Variants in GBE1 observed in about 807,000 individuals in gnomAD.
GBE1 encodes 1,4-alpha-glucan-branching enzyme.
A neutral mutation model predicts 88.8 loss-of-function variants in GBE1; 70 were observed. The ratio of observed to expected loss-of-function variants is 0.79; its 90% CI spans 0.65 to 0.96. The LOEUF is 0.96. Among genes scored for constraint, GBE1 ranks in the 40% least tolerant of loss-of-function variants. The probability of loss-of-function intolerance (pLI) is 0.00; values close to 1 mark genes in which losing one functional copy is unlikely to be tolerated. For synonymous variants in GBE1, 284 were observed against 300.1 expected (o/e 0.95, Z 0.56); for missense variants, 872 against 871.0 (o/e 1.00, Z -0.01).
chr3:81,730,163 T>G (rs1296259643), intron 1 of GBE1, among the ~76,000 whole-genome samples: 1 of 152,124 alleles, frequency 6.6e-6, no homozygotes, highest in Non-Finnish European at 1.5e-5. Context: ...ACTCAAGTAA[T>G]TCACTGGTAT....
At chr3:81,654,551 A>G (rs1704902896) in intron 3 of GBE1, 1 of 152,218 alleles carries the variant, frequency 6.6e-6, no homozygotes, top group African/African-American at 2.4e-5. Flanking sequence ...AAAGTGTAGC[A>G]GGCTAACAGA....
At chr3:81,598,783 T>C (rs1703992571) in intron 7 of GBE1, among the ~76,000 whole-genome samples, 1 of 151,624 alleles carries the variant, frequency 6.6e-6, no homozygotes, top group Admixed American at 6.6e-5. Context: ...ACAAAACTAG[T>C]GAGATAAATT....
chr3:81,621,742 C>T (rs1028267260), intron 7 of GBE1, among the ~76,000 whole-genome samples: 1 of 152,176 alleles, frequency 6.6e-6, no homozygotes, highest in Non-Finnish European at 1.5e-5. Flanking sequence ...CCTAAGGAAT[C>T]CTATCACATT....
At chr3:81,633,200 C>T (rs1704541988) in intron 7 of GBE1, among the ~76,000 whole-genome samples, 1 of 152,032 alleles carries the variant, frequency 6.6e-6, no homozygotes, top group Admixed American at 6.6e-5. Context: ...TAAGTCTGAC[C>T]ACAGATAATC....
chr3:81,591,232 T>C, intron 8 of GBE1, 68 bp from the exon 9 acceptor site: 2 of 1,198,204 alleles, frequency 1.7e-6, no homozygotes, highest in Non-Finnish European at 2.3e-6. Context: ...CACAAATACA[T>C]TCACCAATTA....
chr3:81,689,801 T>C (rs781633745), intron 2 of GBE1, among the ~76,000 whole-genome samples: 2 of 152,126 alleles, frequency 1.3e-5, no homozygotes, highest in African/African-American at 2.4e-5. Context: ...TGTGGCATGT[T>C]TGGCTGGGAA....
chr3:81,709,046 C>G (rs1705815424), intron 1 of GBE1, among the ~76,000 whole-genome samples: 1 of 152,170 alleles, frequency 6.6e-6, no homozygotes, highest in Admixed American at 6.6e-5. Context: ...CAGAAAGAAA[C>G]TGTTGAGATG....
Position 81,676,822 on chromosome 3 carries a change from T to C in GBE1, c.314-5869A>G, listed in dbSNP as rs111544281. The stretch of plus-strand genomic sequence containing the variant: ...CTGATAAGGCATAAGATTCTATTTG[T>C]CCACAGACTCAAAACAAGCTGACAA... On this transcript the variant is annotated intron_variant, in intron 2 of 15. Coordinates refer to ENST00000429644, the MANE Select transcript of GBE1 (RefSeq NM_000158.4). 3.2e-3 allele frequency among the ~76,000 whole-genome samples: 481 copies of C among 152,222 alleles called. 2 individuals are homozygous for C. The highest frequency in any genetic ancestry group is 5.4e-3 in the Non-Finnish European group (366 of 68,002).
chr3:81,699,994 T>C (rs1705663760), intron 2 of GBE1, among the ~76,000 whole-genome samples: 1 of 152,216 alleles, frequency 6.6e-6, no homozygotes, highest in Non-Finnish European at 1.5e-5. Context: ...TTTAGAGCCA[T>C]CCTAGAGTTT....
At chr3:81,627,579 A>G (rs540250185) in intron 7 of GBE1, among the ~76,000 whole-genome samples, 89 of 152,262 alleles carry the variant, frequency 5.8e-4, no homozygotes, top group Non-Finnish European at 1.1e-3. Flanking sequence ...AAGTAAAATA[A>G]AGAGGGAAGG....
chr3:81,669,881 T>C (rs1236386854), intron 3 of GBE1, among the ~76,000 whole-genome samples: 1 of 152,172 alleles, frequency 6.6e-6, no homozygotes, highest in Non-Finnish European at 1.5e-5. Flanking sequence ...ACACTTATAA[T>C]TTCATTATTT....
At chr3:81,725,462 T>C (rs1447919082) in intron 1 of GBE1, among the ~76,000 whole-genome samples, 1 of 152,210 alleles carries the variant, frequency 6.6e-6, no homozygotes, top group African/African-American at 2.4e-5. Context: ...ATGATAACAA[T>C]GCCTTCTTCT....
At chr3:81,651,276 C>T (rs1223497792) in intron 3 of GBE1, among the ~76,000 whole-genome samples, 2 of 152,066 alleles carry the variant, frequency 1.3e-5, no homozygotes, top group African/African-American at 4.8e-5. Flanking sequence ...CCAAAATAAC[C>T]AAGCGGCAGA....
chr3:81,756,510 A>G (rs1706603720), intron 1 of GBE1, among the ~76,000 whole-genome samples: 1 of 152,208 alleles, frequency 6.6e-6, no homozygotes, highest in Non-Finnish European at 1.5e-5. Flanking sequence ...AATAAATAAT[A>G]TAGACATAGT....
chr3:81,675,129 G>A (rs1169597953), intron 2 of GBE1, among the ~76,000 whole-genome samples: 1 of 151,956 alleles, frequency 6.6e-6, no homozygotes, highest in Admixed American at 6.6e-5. Flanking sequence ...TTAGAAACCA[G>A]GGACTACACT....
At chr3:81,641,709 T>C (rs1704681293) in intron 7 of GBE1, among the ~76,000 whole-genome samples, 1 of 151,938 alleles carries the variant, frequency 6.6e-6, no homozygotes, top group African/African-American at 2.4e-5. Context: ...TAATGTATGA[T>C]ATCCAGAAAT....
intron 14 of GBE1, 130 bp downstream of exon 14, chr3:81,535,065 C>A (rs1703056660): frequency 1.2e-5 from 10 of 843,534 alleles, no homozygotes; most frequent in Non-Finnish European, 1.6e-5. Context: ...TTAAGTTCCT[C>A]ATTTTTCAGA....
At chr3:81,678,894 T>C (rs746693487) in intron 2 of GBE1, among the ~76,000 whole-genome samples, 4 of 152,144 alleles carry the variant, frequency 2.6e-5, no homozygotes, top group Admixed American at 6.5e-5. Context: ...AAAGAAAGTA[T>C]TGATAATTTT....
intron 12 of GBE1, among the ~76,000 whole-genome samples, chr3:81,539,428 A>G (rs1382173094): frequency 6.6e-6 from 1 of 151,982 alleles, no homozygotes; most frequent in Non-Finnish European, 1.5e-5. Flanking sequence ...TGTACCTTAT[A>G]TTGCAGGCAT....
Sources: gnomAD v4.1 joint callset for allele counts (sites outside exome capture counted in the v4.1 genomes callset) on GRCh38, gnomAD v4.1.1 for gene constraint, MANE v1.5 for transcripts, NCBI Gene and HGNC (gene_info 2026-07-23, HGNC 2026-07-21) for gene names.